Variants in TMEM114 observed in about 807,000 individuals in gnomAD.
TMEM114 encodes claudin-26.
In TMEM114, 6 loss-of-function variants were observed where a neutral mutation model predicts 6.2. That is an observed-to-expected ratio of 0.97 (90% CI 0.53 to 1.91). The LOEUF (loss-of-function observed/expected upper bound fraction) is 1.91, where lower values mean the gene tolerates loss of function less well. Among genes scored for constraint, TMEM114 ranks in the 40% most tolerant of loss-of-function variants. The pLI, the probability that TMEM114 is intolerant of heterozygous loss-of-function variation, is 0.01. For missense variants in TMEM114, 218 were observed against 158.3 expected (o/e 1.38, Z -2.02); for synonymous variants, 104 against 73.0 (o/e 1.42, Z -2.16).
chr16:8,574,118 T>C (rs1340113449), intron 2 of TMEM114, among the ~76,000 whole-genome samples: 7 of 152,130 alleles, frequency 4.6e-5, no homozygotes, highest in Non-Finnish European at 1.0e-4. Flanking sequence ...CTCATGGCGA[T>C]GAAGAATATA....
At chr16:8,535,294 C>G (rs548195793), downstream of TMEM114, among the ~76,000 whole-genome samples, 9 of 152,230 alleles carry the variant, frequency 5.9e-5, no homozygotes, top group South Asian at 1.7e-3. Flanking sequence ...GTAGCAAGGA[C>G]TTTTTTATTA....
In TMEM114 at chr16:8,546,085, A is replaced by C. The variant is rs1364964865; in HGVS notation, n.213-8259T>G. On this transcript the variant is annotated intron_variant and non_coding_transcript_variant, in intron 2 of 2. Transcript: ENST00000623677. ...AGCTATGATCATGTCACTGCACTCC[A>C]GCCTGGGAACAGAGCAAGACCGTGT... is the stretch of plus-strand genomic sequence containing the variant. Among the ~76,000 whole-genome samples, 4 of 152,224 alleles carry C rather than the reference A, an allele frequency of 2.6e-5. No homozygotes were observed. The East Asian group carries it at 7.7e-4, about 29-fold the overall frequency.
intron 2 of TMEM114, among the ~76,000 whole-genome samples, chr16:8,542,819 C>G (rs1900554287): frequency 6.6e-6 from 1 of 152,174 alleles, no homozygotes; most frequent in African/African-American, 2.4e-5. Context: ...CCTCCCAGCT[C>G]TTCCCCACAT....
In TMEM114 at chr16:8,552,294, G is replaced by A. The variant is rs528966937; in HGVS notation, n.213-14468C>T. ...AGCTACTACGGGGGCTAAGGTGGGA[G>A]CATCACTTGAACCCAGGAGGTTGAG... On this transcript the variant is annotated intron_variant and non_coding_transcript_variant, in intron 2 of 2. Coordinates refer to the TMEM114 transcript ENST00000623677. 5.3e-5 allele frequency among the ~76,000 whole-genome samples: 8 copies of A among 152,200 alleles called. No individual in the cohort carries two copies. In the South Asian group the frequency reaches 1.7e-3, roughly 32 times the overall value.
intron 3 of TMEM114, among the ~76,000 whole-genome samples, chr16:8,570,674 C>T (rs1448992206): frequency 1.3e-5 from 2 of 152,152 alleles, no homozygotes; most frequent in Middle Eastern, 3.2e-3. Flanking sequence ...GTCCAGAGGG[C>T]AGACATGCTC....
chr16:8,568,706 C>A (rs1308404821), downstream of TMEM114, among the ~76,000 whole-genome samples: 1 of 152,348 alleles, frequency 6.6e-6, no homozygotes, highest in East Asian at 1.9e-4. Flanking sequence ...CTCGGGCCCT[C>A]CCCTACATCT....
chr16:8,546,531 G>C (rs993413392), intron 2 of TMEM114, among the ~76,000 whole-genome samples: 2 of 152,184 alleles, frequency 1.3e-5, no homozygotes, highest in Non-Finnish European at 2.9e-5. Context: ...CAGACTTGTA[G>C]AAAGTCCGGC....
chr16:8,548,296 G>T (rs1900735609), intron 2 of TMEM114, among the ~76,000 whole-genome samples: 1 of 152,142 alleles, frequency 6.6e-6, no homozygotes, highest in South Asian at 2.1e-4. Context: ...CATTTGAAGG[G>T]TCTGGCAGTG....
At position 8,563,699 on chromosome 16, in the gene TMEM114, TAGTGAATGAGTGAGTG is replaced by T. The variant is rs1281827189; in HGVS notation, n.212+25498_212+25513del. Among the ~76,000 whole-genome samples, 1,229 of 136,826 alleles carry T rather than the reference TAGTGAATGAGTGAGTG, an allele frequency of 9.0e-3. 63 individuals carry two copies. Among genetic ancestry groups the T allele is most frequent in the African/African-American group, 0.034 (1,175 of 34,106 alleles). 89.8% of individuals were successfully genotyped at this position (136,826 alleles called of 152,430 possible). ...TGAATGAGTAAGTGAATGAGTGAGT[TAGTGAATGAGTGAGTG>T]AGTGAATGAGTCAGTGAGTGAATGA... On this transcript the variant is annotated intron_variant and non_coding_transcript_variant, in intron 2 of 2. Transcript: ENST00000623677.
chr16:8,558,752 T>C (rs1334553202), intron 2 of TMEM114, among the ~76,000 whole-genome samples: 1 of 151,836 alleles, frequency 6.6e-6, no homozygotes, highest in African/African-American at 2.4e-5. Flanking sequence ...GTTCTTTTTT[T>C]TTTTTTCGAC....
At chr16:8,534,169 C>G (rs922141376), downstream of TMEM114, among the ~76,000 whole-genome samples, 1 of 152,178 alleles carries the variant, frequency 6.6e-6, no homozygotes, top group African/African-American at 2.4e-5. Flanking sequence ...TCATTGAGCT[C>G]TGCCCAGATG....
chr16:8,534,874 C>T (rs114941453), downstream of TMEM114, among the ~76,000 whole-genome samples: 3,045 of 152,350 alleles, frequency 0.02, 95 homozygotes, highest in African/African-American at 0.068. Context: ...ACTGTGTCTT[C>T]CCCATTGGGA....
At chr16:8,536,626 G>T (rs1232394247), downstream of TMEM114, among the ~76,000 whole-genome samples, 4 of 152,180 alleles carry the variant, frequency 2.6e-5, no homozygotes, top group East Asian at 7.7e-4. Flanking sequence ...CTTAAGTTCA[G>T]ATGCTTATTC....
At chr16:8,530,075 A>G in the TMEM114 span, among the ~76,000 whole-genome samples, 1 of 152,152 alleles carries the variant, frequency 6.6e-6, no homozygotes. Flanking sequence ...TTGCCTTGAG[A>G]TCAAGTCATC....
chr16:8,572,417 G>T, intron 2 of TMEM114, 193 bp from the exon 3 acceptor site: 4 of 646,734 alleles, frequency 6.2e-6, no homozygotes, highest in Non-Finnish European at 8.1e-6. Context: ...TCTCGTGCAA[G>T]GCTGTGTGCT....
chr16:8,551,821 G>T (rs1291164379), intron 2 of TMEM114, among the ~76,000 whole-genome samples: 1 of 152,160 alleles, frequency 6.6e-6, no homozygotes, highest in Non-Finnish European at 1.5e-5. Context: ...CCATAACTGT[G>T]CAAAACTGAG....
At chr16:8,567,591 C>G (rs568669942), downstream of TMEM114, among the ~76,000 whole-genome samples, 9 of 152,272 alleles carry the variant, frequency 5.9e-5, no homozygotes, top group African/African-American at 1.7e-4. Context: ...CTGGCCTCTT[C>G]CCACTGGAGC....
intron 2 of TMEM114, among the ~76,000 whole-genome samples, chr16:8,550,853 C>G (rs1263063325): frequency 1.3e-5 from 2 of 152,158 alleles, no homozygotes; most frequent in East Asian, 1.9e-4. Context: ...GTGGTCCTCG[C>G]TGAACCCACA....
chr16:8,533,451 A>C (rs1456398461), downstream of TMEM114, among the ~76,000 whole-genome samples: 7 of 152,170 alleles, frequency 4.6e-5, no homozygotes, highest in Non-Finnish European at 1.0e-4. Flanking sequence ...AGGGGCGATG[A>C]ATGGGCGAGG....
Sources: allele counts gnomAD v4.1 joint callset (sites outside exome capture counted in the v4.1 genomes callset), GRCh38; gene constraint gnomAD v4.1.1; transcripts MANE v1.5; gene names NCBI Gene and HGNC (gene_info 2026-07-23, HGNC 2026-07-21).